The following L2HGDH variants were observed in gnomAD, a reference collection of about 807,000 sequenced individuals.
L2HGDH encodes the protein L-2-hydroxyglutarate dehydrogenase, mitochondrial.
Under a neutral mutation model 51.5 loss-of-function variants are expected in L2HGDH, and 34 were observed. The ratio of observed to expected loss-of-function variants is 0.66; its 90% confidence interval spans 0.50 to 0.88. L2HGDH has a LOEUF of 0.88. Among genes scored for constraint, L2HGDH ranks in the 40% least tolerant of loss-of-function variants. The pLI is 0.00. For missense variants in L2HGDH, 558 were observed against 571.9 expected, an observed-to-expected ratio of 0.98 and a Z score of 0.25; for synonymous variants, 198 against 197.9, an observed-to-expected ratio of 1.00 and a Z score of -0.01.
chr14:50,307,046 C>T (rs1452664300), intron 1 of L2HGDH, among the ~76,000 whole-genome samples: 4 of 152,036 alleles, frequency 2.6e-5, no homozygotes, highest in Admixed American at 2.6e-4. Flanking sequence ...AAACTCCTGA[C>T]CTCAGGTGAT....
At chr14:50,296,644 C>A (rs1223948850) in intron 3 of L2HGDH, among the ~76,000 whole-genome samples, 1 of 143,756 alleles carries the variant, frequency 7.0e-6, no homozygotes, top group African/African-American at 2.6e-5. Flanking sequence ...TGAATGCTAC[C>A]AGATGTTAAA....
intron 1 of L2HGDH, among the ~76,000 whole-genome samples, chr14:50,310,710 T>C (rs528563646): frequency 6.2e-4 from 94 of 151,854 alleles, no homozygotes; most frequent in African/African-American, 2.1e-3. Context: ...ACTCCAAAAA[T>C]TTTTTAAAAA....
At position 50,244,423 on chromosome 14, in the gene L2HGDH, C is replaced by G. The variant is rs148171467; in HGVS notation, c.*2635G>C. The G allele has an allele frequency of 3.7e-5, 36 of 985,206 alleles. No individual in the cohort carries two copies. In the African/African-American group the frequency reaches 5.9e-4, roughly 16 times the overall value. The allele number at this position is 985,206 out of a possible 1,614,324, so 61.0% of individuals were successfully genotyped here. A position where few individuals can be genotyped will look rare whatever the true frequency, so the allele number is the denominator to read the frequency against. On this transcript the variant is annotated 3_prime_UTR_variant, in exon 10 of 10. Coordinates refer to ENST00000267436, the MANE Select transcript of L2HGDH (RefSeq NM_024884.3). ...ATTAGGACAATCATTTTTTGTAATTCAATGTTTACAACTTAGTATGTATGC... is the reference window on the plus strand; with the variant it reads ...ATTAGGACAATCATTTTTTGTAATTGAATGTTTACAACTTAGTATGTATGC...
chr14:50,244,526 C>A lies in L2HGDH; in HGVS notation c.*2532G>T. On this transcript the variant is annotated 3_prime_UTR_variant, in exon 10 of 10. Transcript: ENST00000267436. ...TCTTGTAATGGAACAGAAAAATATC[C>A]TGTGTTTGCATTTCTTGCAGGAATC... is the stretch of plus-strand genomic sequence containing the variant. 1.9e-5 allele frequency: 19 copies of A among 985,338 alleles called. No individual in the cohort carries two copies. The highest frequency in any genetic ancestry group is 2.0e-5 in the Non-Finnish European group (17 of 829,904). 61.0% of individuals were successfully genotyped at this position (985,338 alleles called of 1,614,324 possible). A position where few individuals can be genotyped will look rare whatever the true frequency, so the allele number is the denominator to read the frequency against.
chr14:50,254,349 A>G (rs1218017356), intron 9 of L2HGDH, among the ~76,000 whole-genome samples: 2 of 152,150 alleles, frequency 1.3e-5, no homozygotes, highest in African/African-American at 4.8e-5. Flanking sequence ...TAAAAAAAAA[A>G]TCTTAAAGAA....
intron 1 of L2HGDH, among the ~76,000 whole-genome samples, chr14:50,311,810 C>CA (rs1481348130): frequency 6.6e-6 from 1 of 152,244 alleles, no homozygotes; most frequent in African/African-American, 2.4e-5. Flanking sequence ...CTACTCTATA[C>CA]ACTGCCTTTC....
chr14:50,279,826 C>A (rs929971960), intron 5 of L2HGDH, among the ~76,000 whole-genome samples: 3 of 152,034 alleles, frequency 2.0e-5, no homozygotes, highest in African/African-American at 7.2e-5. Context: ...TTTGGGAGGC[C>A]GAAGTGGGTG....
intron 1 of L2HGDH, among the ~76,000 whole-genome samples, chr14:50,310,712 T>A (rs8007800): frequency 6.6e-6 from 1 of 151,348 alleles, no homozygotes; most frequent in African/African-American, 2.4e-5. Context: ...TCCAAAAATT[T>A]TTTAAAAAAA....
At chr14:50,279,283 C>T (rs1187433399) in intron 5 of L2HGDH, among the ~76,000 whole-genome samples, 1 of 152,044 alleles carries the variant, frequency 6.6e-6, no homozygotes, top group Non-Finnish European at 1.5e-5. Context: ...AATTTCTCAA[C>T]AGCAAATAGA....
intron 9 of L2HGDH, among the ~76,000 whole-genome samples, chr14:50,254,196 G>C (rs1197484286): frequency 6.6e-6 from 1 of 152,058 alleles, no homozygotes; most frequent in Non-Finnish European, 1.5e-5. Flanking sequence ...GAGTGTAATT[G>C]AACTGTTTAT....
At chr14:50,310,340 G>A (rs1459019191) in intron 1 of L2HGDH, among the ~76,000 whole-genome samples, 20 of 151,988 alleles carry the variant, frequency 1.3e-4, no homozygotes, top group Admixed American at 1.2e-3. Context: ...AAAGCACTGG[G>A]ATTACAGGCC....
At chr14:50,309,434 T>C (rs1455001158) in intron 1 of L2HGDH, among the ~76,000 whole-genome samples, 1 of 152,168 alleles carries the variant, frequency 6.6e-6, no homozygotes, top group African/African-American at 2.4e-5. Flanking sequence ...TGGTGGCACA[T>C]GCCTGTAATC....
chr14:50,248,357 G>A (rs1384340323), intron 9 of L2HGDH, among the ~76,000 whole-genome samples: 1 of 152,182 alleles, frequency 6.6e-6, no homozygotes, highest in Non-Finnish European at 1.5e-5. Flanking sequence ...ATAAGTACTT[G>A]CAGAAGATAC....
intron 8 of L2HGDH, among the ~76,000 whole-genome samples, chr14:50,266,357 T>C (rs1033110850): frequency 6.6e-6 from 1 of 152,084 alleles, no homozygotes; most frequent in African/African-American, 2.4e-5. Context: ...ACTTTAGTTG[T>C]TTAGGCAGGG....
chr14:50,269,718 C>T (rs1310746556), intron 6 of L2HGDH, among the ~76,000 whole-genome samples: 1 of 152,008 alleles, frequency 6.6e-6, no homozygotes, highest in Admixed American at 6.6e-5. Context: ...ACAGCCTCCA[C>T]CAATTTTTTT....
chr14:50,283,898 T>C lies in L2HGDH; in HGVS notation c.676A>G (p.Lys226Glu), dbSNP rs772766328. ...NFEVKGIEMAKESPSRSIDGM... is the reference protein window; with the variant it reads ...NFEVKGIEMAEESPSRSIDGM... ...TCTATACTTCTTGAAGGACTTTCTT[T>C]AGCCATTTCAATACCTTTTACTTCA... is the stretch of plus-strand genomic sequence containing the variant. The change falls in exon 5 of 10, where the codon AAA (lysine) becomes GAA (glutamate). Residue 226 changes from lysine to glutamate, a missense_variant. Physicochemically the swap from Lys to Glu is moderately conservative, Grantham distance 56. This residue lies in a region of L2HGDH where 321 missense variants were observed against 311.8 expected (regional missense o/e 1.03). Coordinates refer to ENST00000267436, the MANE Select transcript of L2HGDH (RefSeq NM_024884.3). 6.2e-7 allele frequency: 1 copy of C among 1,614,130 alleles called. No individual in the cohort carries two copies. The highest frequency in any genetic ancestry group is 8.5e-7 in the Non-Finnish European group (1 of 1,179,978).
In L2HGDH at chr14:50,245,896, T is replaced by A; in HGVS notation, c.*1162A>T. 1.3e-6 allele frequency: 1 copy of A among 782,460 alleles called. No individual in the cohort carries two copies. Among genetic ancestry groups the A allele is most frequent in the Non-Finnish European group, 1.6e-6 (1 of 644,632 alleles). The allele number at this position is 782,460 out of a possible 1,614,324, so 48.5% of individuals were successfully genotyped here. ...CAGCATTTTGGGAGGCTGAGGCAGGTGGATCACCTGAGGTCAGGAATTCGA... is the reference window on the plus strand; with the variant it reads ...CAGCATTTTGGGAGGCTGAGGCAGGAGGATCACCTGAGGTCAGGAATTCGA... On this transcript the variant is annotated 3_prime_UTR_variant, in exon 10 of 10. Coordinates refer to ENST00000267436, the MANE Select transcript of L2HGDH (RefSeq NM_024884.3).
chr14:50,277,440 G>A (rs189491967), intron 6 of L2HGDH, among the ~76,000 whole-genome samples: 2 of 152,122 alleles, frequency 1.3e-5, no homozygotes, highest in Admixed American at 1.3e-4. Flanking sequence ...TTCTCTTCAT[G>A]GTTCCAACTT....
chr14:50,309,422 C>T (rs1168739453), intron 1 of L2HGDH, among the ~76,000 whole-genome samples: 4 of 151,930 alleles, frequency 2.6e-5, no homozygotes, highest in African/African-American at 4.8e-5. Context: ...ATCAGCTGGG[C>T]GTGGTGGCAC....
Sources: gnomAD v4.1 joint callset for allele counts (sites outside exome capture counted in the v4.1 genomes callset) on GRCh38, gnomAD v4.1.1 for gene constraint, gnomAD v4.1.1 regional missense constraint, MANE v1.5 for transcripts, NCBI Gene and HGNC (gene_info 2026-07-23, HGNC 2026-07-21) for gene names.